SLC8A1: variants seen among roughly 807,000 people sequenced by gnomAD.
The protein encoded by SLC8A1 is solute carrier family 8 member A1.
A neutral mutation model predicts 68.3 loss-of-function variants in SLC8A1; 18 were observed. The observed-to-expected ratio is 0.26, with a 90% CI of 0.18 to 0.39. The LOEUF (loss-of-function observed/expected upper bound fraction) is 0.39. Among genes scored for constraint, SLC8A1 ranks in the 10% least tolerant of loss-of-function variants. The pLI is 1.00. For synonymous variants in SLC8A1, 475 were observed against 415.5 expected (o/e 1.14, Z -1.74); for missense variants, 985 against 1,156.7 (o/e 0.85, Z 2.15).
At chr2:40,318,004 G>A (rs1473471172) in intron 2 of SLC8A1, among the ~76,000 whole-genome samples, 1 of 152,066 alleles carries the variant, frequency 6.6e-6, no homozygotes, top group Non-Finnish European at 1.5e-5. Context: ...CAACACTGAA[G>A]TGTATAACAA....
At chr2:40,120,168 G>T (rs2125099330) in intron 7 of SLC8A1, among the ~76,000 whole-genome samples, 1 of 152,332 alleles carries the variant, frequency 6.6e-6, no homozygotes, top group South Asian at 2.1e-4. Context: ...TCTGGAGCAA[G>T]GGTTTCGCCC....
chr2:40,238,214 C>G (rs1295055741), intron 2 of SLC8A1, among the ~76,000 whole-genome samples: 1 of 152,012 alleles, frequency 6.6e-6, no homozygotes, highest in South Asian at 2.1e-4. Flanking sequence ...CTCGCTGCCG[C>G]CTTGCAGTTT....
exon 8 of SLC8A1, chr2:40,113,228 A>G (rs1218164474): frequency 6.6e-6 from 1 of 152,564 alleles, no homozygotes; most frequent in Non-Finnish European, 1.5e-5. Context: ...GTGACAGAAG[A>G]AAAAATAAGT....
chr2:40,412,872 T>C (rs1268354468), intron 2 of SLC8A1, among the ~76,000 whole-genome samples: 1 of 152,230 alleles, frequency 6.6e-6, no homozygotes, highest in South Asian at 2.1e-4. Context: ...TGCTAGAGTG[T>C]AATCTAGGTA....
At chr2:40,238,168 T>G (rs369164456) in intron 2 of SLC8A1, among the ~76,000 whole-genome samples, 18 of 152,284 alleles carry the variant, frequency 1.2e-4, no homozygotes, top group East Asian at 1.9e-4. Context: ...GTTTACCTAA[T>G]CAAGCCTGGG....
At chr2:40,408,732 G>A (rs550108267) in intron 2 of SLC8A1, among the ~76,000 whole-genome samples, 2 of 152,192 alleles carry the variant, frequency 1.3e-5, no homozygotes, top group Admixed American at 1.3e-4. Flanking sequence ...TTTCGAAGGG[G>A]CACCAGTTAG....
chr2:40,328,584 C>T (rs2076089089), intron 2 of SLC8A1, among the ~76,000 whole-genome samples: 1 of 152,164 alleles, frequency 6.6e-6, no homozygotes, highest in Non-Finnish European at 1.5e-5. Flanking sequence ...TTTTTGTTCG[C>T]ATACATACAT....
At chr2:40,164,242 C>G (rs1410234644) in intron 5 of SLC8A1, among the ~76,000 whole-genome samples, 1 of 152,178 alleles carries the variant, frequency 6.6e-6, no homozygotes, top group Non-Finnish European at 1.5e-5. Flanking sequence ...ACACATTCAA[C>G]TTCTGCAAAA....
chr2:40,306,517 T>C (rs6544320), intron 2 of SLC8A1, among the ~76,000 whole-genome samples: 10,219 of 152,150 alleles, frequency 0.067, 1,134 homozygotes, highest in African/African-American at 0.23. Flanking sequence ...TAAATGTTAT[T>C]ATCCCTTAAC....
intron 2 of SLC8A1, among the ~76,000 whole-genome samples, chr2:40,333,084 A>G: frequency 6.6e-6 from 1 of 152,226 alleles, no homozygotes; most frequent in East Asian, 1.9e-4. Flanking sequence ...AAATTGATTC[A>G]GCAGAATGGT....
At position 40,164,843 on chromosome 2, in the gene SLC8A1, G is replaced by T; in HGVS notation, c.2061+11C>A. The stretch of plus-strand genomic sequence containing the variant: ...AGACTGGCTCCTGGTGGGCAGTGTT[G>T]GTGAGCATACCTTGAATTCATAGGA... On this transcript the variant is annotated intron_variant, in intron 5 of 7. Transcript: ENST00000406785. The T allele has an allele frequency of 6.2e-7, 1 of 1,613,398 alleles. No individual in the cohort carries two copies. The highest frequency in any genetic ancestry group is 1.7e-4 in the Middle Eastern group (1 of 5,908).
chr2:40,512,045 C>G (rs936034409), intron 1 of SLC8A1, among the ~76,000 whole-genome samples: 3 of 152,138 alleles, frequency 2.0e-5, no homozygotes, highest in Non-Finnish European at 4.4e-5. Context: ...TCTAAAGGTG[C>G]TGGCAATATC....
chr2:40,386,651 G>A (rs1252327374), intron 2 of SLC8A1, among the ~76,000 whole-genome samples: 8 of 149,604 alleles, frequency 5.3e-5, no homozygotes, highest in Non-Finnish European at 1.2e-4. Context: ...AAACAATGCA[G>A]TTAAGTTTCC....
chr2:40,466,977 A>AAC (rs1703712370), intron 1 of SLC8A1, among the ~76,000 whole-genome samples: 1 of 151,718 alleles, frequency 6.6e-6, no homozygotes, highest in Non-Finnish European at 1.5e-5. Flanking sequence ...TTATCTAAAA[A>AAC]AAAAAAAAAA....
chr2:40,333,182 T>C (rs2076594818), intron 2 of SLC8A1, among the ~76,000 whole-genome samples: 1 of 152,228 alleles, frequency 6.6e-6, no homozygotes, highest in South Asian at 2.1e-4. Flanking sequence ...CTCACGCCTA[T>C]AATCCCAGCA....
At chr2:40,354,880 C>T (rs1055270607) in intron 2 of SLC8A1, among the ~76,000 whole-genome samples, 2 of 151,984 alleles carry the variant, frequency 1.3e-5, no homozygotes, top group Admixed American at 6.6e-5. Flanking sequence ...ACAATGCACC[C>T]CTCCCTTTCA....
intron 1 of SLC8A1, among the ~76,000 whole-genome samples, chr2:40,438,678 T>C (rs1346797156): frequency 6.6e-6 from 1 of 152,124 alleles, no homozygotes; most frequent in African/African-American, 2.4e-5. Context: ...GAAGAAATGA[T>C]ATGGACAAAG....
At chr2:40,297,717 C>G (rs566270825) in intron 2 of SLC8A1, among the ~76,000 whole-genome samples, 1 of 152,194 alleles carries the variant, frequency 6.6e-6, no homozygotes, top group Non-Finnish European at 1.5e-5. Flanking sequence ...CCTAAAATGC[C>G]TTATTGAAAG....
intron 2 of SLC8A1, among the ~76,000 whole-genome samples, chr2:40,327,774 G>C (rs1411358799): frequency 2.6e-5 from 4 of 152,218 alleles, no homozygotes; most frequent in African/African-American, 9.6e-5. Context: ...AGGGAGAAAA[G>C]GGCTGAACAA....
Sources: allele counts gnomAD v4.1 joint callset (sites outside exome capture counted in the v4.1 genomes callset), GRCh38; gene constraint gnomAD v4.1.1; transcripts MANE v1.5; gene names NCBI Gene and HGNC (gene_info 2026-07-23, HGNC 2026-07-21).